TRIM5: variants seen among roughly 807,000 people sequenced by gnomAD.
The protein encoded by TRIM5 is tripartite motif-containing protein 5.
In TRIM5, 31 loss-of-function variants were observed where a neutral mutation model predicts 35.6. The observed-to-expected ratio is 0.87, with a 90% CI of 0.65 to 1.18. The LOEUF is 1.18. Among genes scored for constraint, TRIM5 ranks in the 50% most tolerant of loss-of-function variants. TRIM5 has a pLI of 0.00. For missense variants in TRIM5, 609 were observed against 591.6 expected (o/e 1.03, Z -0.31); for synonymous variants, 243 against 215.6 (o/e 1.13, Z -1.11).
At chr11:5,665,711 A>C in intron 6 of TRIM5, 29 bp from the exon 7 acceptor site, 2 of 1,493,596 alleles carry the variant, frequency 1.3e-6, no homozygotes, top group Non-Finnish European at 1.8e-6. Context: ...ACAATATTGA[A>C]TACAAACAAA....
the TRIM5 span, chr11:5,608,479 T>A: frequency 1.3e-6 from 2 of 1,588,080 alleles, no homozygotes; most frequent in Non-Finnish European, 1.7e-6. Flanking sequence ...GGAAGAAGAA[T>A]CAGAGTGGGG....
the TRIM5 span, among the ~76,000 whole-genome samples, chr11:5,599,699 G>A: frequency 7.8e-6 from 1 of 128,152 alleles, no homozygotes; most frequent in Admixed American, 8.3e-5. Flanking sequence ...CACCGCGCCC[G>A]GCCAACACAA....
At chr11:5,649,469 C>T in the TRIM5 span, among the ~76,000 whole-genome samples, 1 of 152,140 alleles carries the variant, frequency 6.6e-6, no homozygotes, top group Non-Finnish European at 1.5e-5. Context: ...GATCTCCAGA[C>T]ATACATTTTC....
the TRIM5 span, among the ~76,000 whole-genome samples, chr11:5,607,712 T>A: frequency 5.2e-3 from 787 of 152,266 alleles, 7 homozygotes; most frequent in African/African-American, 0.018. Flanking sequence ...TTGTTTAAAT[T>A]TGGTGACTTA....
At chr11:5,661,756 G>T (rs549949242), downstream of TRIM5, among the ~76,000 whole-genome samples, 23 of 152,238 alleles carry the variant, frequency 1.5e-4, no homozygotes, top group African/African-American at 4.3e-4. Flanking sequence ...CTGAGAAGAC[G>T]GAGTGTAACT....
the TRIM5 span, among the ~76,000 whole-genome samples, chr11:5,604,128 A>ACTT: frequency 6.6e-6 from 1 of 151,956 alleles, no homozygotes; most frequent in East Asian, 1.9e-4. Context: ...CCAAGTAGCT[A>ACTT]GGACTGTAGG....
the TRIM5 span, among the ~76,000 whole-genome samples, chr11:5,647,922 G>A: frequency 1.3e-5 from 2 of 152,000 alleles, no homozygotes; most frequent in South Asian, 4.2e-4. Context: ...TACCACTATT[G>A]ATCCACACAC....
chr11:5,679,173 T>C lies in TRIM5; in HGVS notation c.418-4A>G, dbSNP rs778292107. The C allele has an allele frequency of 6.2e-7, 1 of 1,613,356 alleles. No individual in the cohort carries two copies. Among genetic ancestry groups the C allele is most frequent in the African/African-American group, 1.3e-5 (1 of 74,994 alleles). On this transcript the variant is annotated splice_polypyrimidine_tract_variant and splice_region_variant and intron_variant, in intron 2 of 7. Transcript: ENST00000380034. The stretch of plus-strand genomic sequence containing the variant: ...CCAGAGCTGCCTGGAGCTTCACCTG[T>C]GAGAAAGGAATCACACCATAGTCAA...
the TRIM5 span, chr11:5,633,743 T>C: frequency 6.7e-7 from 1 of 1,498,188 alleles, no homozygotes. Context: ...TCCCTGTTTG[T>C]CCTCTATCCA....
the TRIM5 span, among the ~76,000 whole-genome samples, chr11:5,652,668 G>A: frequency 1.3e-5 from 2 of 152,014 alleles, no homozygotes; most frequent in Non-Finnish European, 2.9e-5. Flanking sequence ...TATTTCATAT[G>A]AATTTTAGAA....
At chr11:5,608,808 A>G in the TRIM5 span, among the ~76,000 whole-genome samples, 1 of 148,544 alleles carries the variant, frequency 6.7e-6, no homozygotes, top group Non-Finnish European at 1.5e-5. Flanking sequence ...TTAAGTTTAT[A>G]GTTACCTCAA....
At chr11:5,630,005 C>G in the TRIM5 span, among the ~76,000 whole-genome samples, 1 of 152,144 alleles carries the variant, frequency 6.6e-6, no homozygotes, top group African/African-American at 2.4e-5. Context: ...CGCGCCCGGC[C>G]TCAGTGAGGA....
the TRIM5 span, chr11:5,610,789 T>C: frequency 1.2e-6 from 2 of 1,614,090 alleles, no homozygotes; most frequent in South Asian, 1.1e-5. Context: ...GACGTGACCC[T>C]GAATCCACAC....
the TRIM5 span, among the ~76,000 whole-genome samples, chr11:5,646,038 A>ATT: frequency 2.6e-5 from 3 of 114,056 alleles, no homozygotes; most frequent in Admixed American, 1.0e-4. Context: ...AGTACACATA[A>ATT]ATATATTAGA....
intron 7 of TRIM5, 56 bp downstream of exon 7, chr11:5,665,600 A>AGAT: frequency 6.3e-7 from 1 of 1,583,668 alleles, no homozygotes; most frequent in Non-Finnish European, 8.5e-7. Context: ...TAAAAGATAA[A>AGAT]GATAATAATA....
chr11:5,647,743 G>T, the TRIM5 span, among the ~76,000 whole-genome samples: 15 of 152,286 alleles, frequency 9.8e-5, no homozygotes, highest in Admixed American at 9.1e-4. Context: ...GGCTGGTTTT[G>T]AACTCCTGAC....
intron 4 of TRIM5, among the ~76,000 whole-genome samples, chr11:5,669,461 A>T (rs12271333): frequency 6.6e-5 from 10 of 151,966 alleles, no homozygotes; most frequent in Non-Finnish European, 1.3e-4. Flanking sequence ...ATATGTACCA[A>T]TGCAATGTCT....
At chr11:5,645,909 A>C in the TRIM5 span, 1 of 164,412 alleles carries the variant, frequency 6.1e-6, no homozygotes, top group African/African-American at 2.8e-5. Context: ...ATATATAGAT[A>C]TATATAGATA....
the TRIM5 span, chr11:5,605,294 G>A: frequency 1.2e-6 from 2 of 1,612,448 alleles, no homozygotes; most frequent in Non-Finnish European, 1.7e-6. Context: ...GAGACCCTCA[G>A]TGTGACCGAC....
Sources: gnomAD v4.1 joint callset for allele counts (sites outside exome capture counted in the v4.1 genomes callset) on GRCh38, gnomAD v4.1.1 for gene constraint, MANE v1.5 for transcripts, NCBI Gene and HGNC (gene_info 2026-07-23, HGNC 2026-07-21) for gene names.